The following RNF182 variants were observed in gnomAD, a reference collection of about 807,000 sequenced individuals.
RNF182 encodes E3 ubiquitin-protein ligase RNF182.
RNF182 carries 15 observed loss-of-function variants against 14.4 expected under a neutral mutation model. The ratio of observed to expected loss-of-function variants is 1.04; its 90% CI spans 0.70 to 1.60. The LOEUF (loss-of-function observed/expected upper bound fraction) is 1.60, where lower values mean the gene tolerates loss of function less well. Among genes scored for constraint, RNF182 ranks in the 40% most tolerant of loss-of-function variants. The pLI is 0.00. For missense variants in RNF182, 268 were observed against 294.8 expected, an observed-to-expected ratio of 0.91 and a Z score of 0.67; for synonymous variants, 128 against 122.9, an observed-to-expected ratio of 1.04 and a Z score of -0.27.
intron 2 of RNF182, among the ~76,000 whole-genome samples, chr6:13,975,842 T>A (rs1760309046): frequency 6.6e-6 from 1 of 152,216 alleles, no homozygotes; most frequent in African/African-American, 2.4e-5. Context: ...CCAAACATAA[T>A]TTAAGGTGAA....
chr6:13,936,845 T>G (rs952352977), intron 1 of RNF182, among the ~76,000 whole-genome samples: 10 of 152,032 alleles, frequency 6.6e-5, no homozygotes, highest in African/African-American at 2.4e-4. Flanking sequence ...GTAAAAGAGC[T>G]ATAAAGAGGG....
At chr6:13,963,238 G>A (rs1017955867) in intron 1 of RNF182, among the ~76,000 whole-genome samples, 1 of 152,138 alleles carries the variant, frequency 6.6e-6, no homozygotes, top group Admixed American at 6.5e-5. Context: ...GACAGAACTT[G>A]CAAGATGTAT....
In RNF182 at chr6:13,958,796, C is replaced by T. The variant is rs527654107; in HGVS notation, c.-366-15414C>T. ...TTTGAAAACGAGTAATTGGAGAGGA[C>T]CTCCTTGAGGACTTCATATTGAGAT... is the stretch of plus-strand genomic sequence containing the variant. On this transcript the variant is annotated intron_variant, in intron 1 of 2. Coordinates refer to ENST00000488300, the MANE Select transcript of RNF182 (RefSeq NM_152737.4). Among the ~76,000 whole-genome samples, 285 of 152,232 alleles carry T rather than the reference C, an allele frequency of 1.9e-3. 1 individual carries two copies. The highest frequency in any genetic ancestry group is 6.5e-3 in the African/African-American group (271 of 41,536).
chr6:13,939,032 A>G (rs990440351), intron 1 of RNF182, among the ~76,000 whole-genome samples: 9 of 152,290 alleles, frequency 5.9e-5, no homozygotes, highest in Non-Finnish European at 7.4e-5. Context: ...GTAGTGAGCC[A>G]AGATTGCACC....
chr6:13,965,246 A>C (rs1013828711), intron 1 of RNF182, among the ~76,000 whole-genome samples: 5 of 152,208 alleles, frequency 3.3e-5, no homozygotes, highest in Non-Finnish European at 5.9e-5. Flanking sequence ...TTGGGGCTTG[A>C]TTTGGTAGCC....
chr6:13,926,218 A>C (rs1758822089), intron 1 of RNF182, among the ~76,000 whole-genome samples: 1 of 152,240 alleles, frequency 6.6e-6, no homozygotes, highest in Admixed American at 6.5e-5. Flanking sequence ...AACTATATGG[A>C]ATGCAAGAAA....
intron 1 of RNF182, among the ~76,000 whole-genome samples, chr6:13,925,565 T>G (rs2113568625): frequency 6.6e-6 from 1 of 152,216 alleles, no homozygotes; most frequent in East Asian, 1.9e-4. Context: ...CTTTTTTTCT[T>G]TGGAAGGTGC....
intron 1 of RNF182, among the ~76,000 whole-genome samples, chr6:13,938,570 T>G (rs1033818374): frequency 6.6e-6 from 1 of 152,218 alleles, no homozygotes; most frequent in African/African-American, 2.4e-5. Flanking sequence ...AGAAGTTTTA[T>G]TGTTTTACTT....
chr6:13,940,100 CA>C (rs1759251407), intron 1 of RNF182, among the ~76,000 whole-genome samples: 1 of 152,046 alleles, frequency 6.6e-6, no homozygotes, highest in Admixed American at 6.6e-5. Context: ...TTCCCAATTT[CA>C]GGGGGAAAGC....
At chr6:13,937,115 G>A (rs376495863) in intron 1 of RNF182, among the ~76,000 whole-genome samples, 1 of 152,136 alleles carries the variant, frequency 6.6e-6, no homozygotes. Flanking sequence ...GTTTTGTGTT[G>A]TATGTATCTT....
chr6:13,951,570 C>T (rs942842015), intron 1 of RNF182, among the ~76,000 whole-genome samples: 1 of 152,168 alleles, frequency 6.6e-6, no homozygotes, highest in Admixed American at 6.5e-5. Flanking sequence ...AGTTATTACA[C>T]ACCAAGGCTA....
chr6:13,964,717 A>G (rs2113635264), intron 1 of RNF182, among the ~76,000 whole-genome samples: 1 of 152,298 alleles, frequency 6.6e-6, no homozygotes, highest in South Asian at 2.1e-4. Flanking sequence ...CCAGAAGATC[A>G]GGATGCACTG....
chr6:13,928,096 T>C (rs1758874174), intron 1 of RNF182, among the ~76,000 whole-genome samples: 2 of 152,238 alleles, frequency 1.3e-5, no homozygotes, highest in African/African-American at 4.8e-5. Flanking sequence ...GAAAAACTTT[T>C]GTGGACGTGT....
intron 1 of RNF182, chr6:13,949,445 C>T: frequency 1.5e-6 from 1 of 675,222 alleles, no homozygotes; most frequent in Non-Finnish European, 2.7e-6. Flanking sequence ...GTTTCTTTGA[C>T]TTCATTCTGG....
chr6:13,956,472 A>C (rs1431865075), intron 1 of RNF182, among the ~76,000 whole-genome samples: 3 of 151,866 alleles, frequency 2.0e-5, no homozygotes, highest in Non-Finnish European at 4.4e-5. Context: ...TTACAGATGC[A>C]TGCCACCACA....
chr6:13,928,668 T>G (rs1368430858), intron 1 of RNF182, among the ~76,000 whole-genome samples: 1 of 152,246 alleles, frequency 6.6e-6, no homozygotes, highest in Non-Finnish European at 1.5e-5. Context: ...GATAGTAGAA[T>G]CTGGGATCCT....
intron 1 of RNF182, among the ~76,000 whole-genome samples, chr6:13,973,629 C>T (rs1441657736): frequency 6.6e-6 from 1 of 152,154 alleles, no homozygotes; most frequent in Non-Finnish European, 1.5e-5. Context: ...TTGTCTCTTG[C>T]CTGCCGCCAT....
intron 1 of RNF182, among the ~76,000 whole-genome samples, chr6:13,941,165 A>G (rs1024051554): frequency 7.2e-5 from 11 of 152,152 alleles, no homozygotes; most frequent in Non-Finnish European, 1.5e-5. Context: ...AAGGATAAGC[A>G]AAATCTCTCA....
chr6:13,965,358 G>A (rs1759995989), intron 1 of RNF182, among the ~76,000 whole-genome samples: 2 of 152,152 alleles, frequency 1.3e-5, no homozygotes, highest in African/African-American at 4.8e-5. Flanking sequence ...GTGAGTAACA[G>A]GAAAGCCAGA....
Sources: allele counts gnomAD v4.1 joint callset (sites outside exome capture counted in the v4.1 genomes callset), GRCh38; gene constraint gnomAD v4.1.1; transcripts MANE v1.5; gene names NCBI Gene and HGNC (gene_info 2026-07-23, HGNC 2026-07-21).